CYP4X1: variants seen among roughly 807,000 people sequenced by gnomAD.
CYP4X1 encodes cytochrome P450 family 4 subfamily X member 1.
CYP4X1 carries 44 observed loss-of-function variants against 57.9 expected under a neutral mutation model. That is an observed-to-expected ratio of 0.76 (90% CI 0.60 to 0.98). The LOEUF (loss-of-function observed/expected upper bound fraction) is 0.98. CYP4X1 is among the 50% of genes least tolerant of loss of function. CYP4X1 has a pLI of 0.00. For synonymous variants in CYP4X1, 227 were observed against 228.6 expected (o/e 0.99, Z 0.06); for missense variants, 532 against 623.9 (o/e 0.85, Z 1.57).
chr1:47,011,737 A>C, the CYP4X1 span, among the ~76,000 whole-genome samples: 1 of 152,226 alleles, frequency 6.6e-6, no homozygotes, highest in Non-Finnish European at 1.5e-5. Context: ...CCCCATCAAA[A>C]AGTGGACAAA....
intron 6 of CYP4X1, among the ~76,000 whole-genome samples, chr1:47,036,566 G>A (rs941255271): frequency 2.6e-5 from 4 of 151,838 alleles, no homozygotes; most frequent in African/African-American, 7.3e-5. Context: ...ACATGCACCC[G>A]AAAGAATATT....
chr1:46,974,640 A>G, the CYP4X1 span, among the ~76,000 whole-genome samples: 1 of 152,182 alleles, frequency 6.6e-6, no homozygotes, highest in Non-Finnish European at 1.5e-5. Context: ...TATATTGAGG[A>G]TAGTTAAATC....
At chr1:47,035,206 T>A (rs1041649059) in intron 4 of CYP4X1, among the ~76,000 whole-genome samples, 23 of 152,172 alleles carry the variant, frequency 1.5e-4, no homozygotes, top group African/African-American at 5.5e-4. Context: ...AGGGACCTTG[T>A]GACAGTTTAA....
intron 1 of CYP4X1, among the ~76,000 whole-genome samples, chr1:47,027,981 C>G (rs1169778192): frequency 6.6e-6 from 1 of 152,080 alleles, no homozygotes; most frequent in East Asian, 1.9e-4. Flanking sequence ...CACTATAAAC[C>G]TAGTGCATGG....
At chr1:47,017,498 G>C in the CYP4X1 span, among the ~76,000 whole-genome samples, 2 of 152,026 alleles carry the variant, frequency 1.3e-5, no homozygotes, top group Non-Finnish European at 2.9e-5. Context: ...GGGTGGGATT[G>C]GGGAAGATAG....
the CYP4X1 span, among the ~76,000 whole-genome samples, chr1:46,964,755 C>T: frequency 3.9e-4 from 60 of 152,336 alleles, no homozygotes; most frequent in Non-Finnish European, 3.5e-4. Context: ...AACCACTACT[C>T]TCTTCAAAGA....
chr1:47,012,201 C>T, the CYP4X1 span, among the ~76,000 whole-genome samples: 3 of 152,128 alleles, frequency 2.0e-5, no homozygotes, highest in Non-Finnish European at 2.9e-5. Context: ...AAATGTGGCA[C>T]ATATACACCA....
chr1:47,026,048 A>G (rs549462687), intron 1 of CYP4X1, among the ~76,000 whole-genome samples: 2 of 152,310 alleles, frequency 1.3e-5, no homozygotes, highest in African/African-American at 4.8e-5. Context: ...ATCCTAACTC[A>G]TGGACACAGA....
At chr1:46,997,662 G>A in the CYP4X1 span, among the ~76,000 whole-genome samples, 14 of 152,286 alleles carry the variant, frequency 9.2e-5, no homozygotes, top group African/African-American at 7.2e-5. Flanking sequence ...GAGTGCTGCC[G>A]TAAACATACA....
chr1:46,961,698 C>A, the CYP4X1 span: 3 of 1,295,420 alleles, frequency 2.3e-6, no homozygotes, highest in South Asian at 2.5e-5. Context: ...ACCCAACCAA[C>A]TTCTTCACTT....
the CYP4X1 span, among the ~76,000 whole-genome samples, chr1:46,989,966 T>C: frequency 6.6e-6 from 1 of 152,144 alleles, no homozygotes. Context: ...ACCTAGGCAA[T>C]AGCTTTCAGG....
At position 47,039,482 on chromosome 1, in the gene CYP4X1, A is replaced by G; in HGVS notation, c.1023A>G (p.Arg341=). 6.2e-7 allele frequency: 1 copy of G among 1,613,244 alleles called. No individual in the cohort carries two copies. The highest frequency in any genetic ancestry group is 1.1e-5 in the South Asian group (1 of 90,960). Residue 341 remains arginine, a synonymous_variant, in exon 8 of 12, where the codon AGA becomes AGG. Transcript: ENST00000371901. ...CLALNPEHQE[R]CREEVRGILG... ...CTCTGAACCCTGAGCATCAAGAGAG[A>G]TGCCGGGAGGAGGTCAGGGGCATCC... is the stretch of plus-strand genomic sequence containing the variant.
chr1:47,047,996 A>AT (rs1187601833), intron 9 of CYP4X1, among the ~76,000 whole-genome samples: 2 of 151,630 alleles, frequency 1.3e-5, no homozygotes, highest in African/African-American at 4.9e-5. Flanking sequence ...TAATCCCAAT[A>AT]TTTTGTGACA....
At chr1:47,009,141 A>G in the CYP4X1 span, among the ~76,000 whole-genome samples, 10 of 152,222 alleles carry the variant, frequency 6.6e-5, no homozygotes, top group African/African-American at 9.6e-5. Flanking sequence ...CACCACACCT[A>G]TTCCAAAATT....
At chr1:46,961,453 AC>A in the CYP4X1 span, 1 of 763,440 alleles carries the variant, frequency 1.3e-6, no homozygotes, top group South Asian at 2.7e-5. Flanking sequence ...TTCTACACTC[AC>A]CCACTCTGGT....
chr1:47,021,550 T>C (rs574697197), upstream of CYP4X1, among the ~76,000 whole-genome samples: 28 of 152,304 alleles, frequency 1.8e-4, no homozygotes, highest in Non-Finnish European at 3.8e-4. Context: ...GATTTTACCT[T>C]GCATCTTTTT....
the CYP4X1 span, among the ~76,000 whole-genome samples, chr1:46,976,496 T>C: frequency 6.6e-6 from 1 of 152,156 alleles, no homozygotes; most frequent in Admixed American, 6.5e-5. Flanking sequence ...TGCCTGCCTC[T>C]GTAGACTCCA....
chr1:46,984,178 C>A, the CYP4X1 span, among the ~76,000 whole-genome samples: 1 of 151,936 alleles, frequency 6.6e-6, no homozygotes, highest in Non-Finnish European at 1.5e-5. Context: ...ACGTCTAAGG[C>A]AGAAATGTGA....
chr1:47,025,775 T>TC (rs1347201597), intron 1 of CYP4X1, among the ~76,000 whole-genome samples: 4 of 152,214 alleles, frequency 2.6e-5, no homozygotes, highest in African/African-American at 9.6e-5. Flanking sequence ...CCAAATCTGT[T>TC]CGTTTTTTTG....
Sources: gnomAD v4.1 joint callset for allele counts (sites outside exome capture counted in the v4.1 genomes callset) on GRCh38, gnomAD v4.1.1 for gene constraint, MANE v1.5 for transcripts, NCBI Gene and HGNC (gene_info 2026-07-23, HGNC 2026-07-21) for gene names.